The following INTS6 variants were observed in gnomAD, a reference collection of about 807,000 sequenced individuals.
INTS6 encodes the protein DEAD box protein.
Under a neutral mutation model 104.9 loss-of-function variants are expected in INTS6, and 16 were observed. The observed-to-expected ratio is 0.15, with a 90% CI of 0.10 to 0.23. The LOEUF (loss-of-function observed/expected upper bound fraction) is 0.23, where lower values mean the gene tolerates loss of function less well. Among genes scored for constraint, INTS6 ranks in the 10% least tolerant of loss-of-function variants. The pLI, the probability that INTS6 is intolerant of heterozygous loss-of-function variation, is 1.00. For missense variants in INTS6, 584 were observed against 1,062.8 expected, an observed-to-expected ratio of 0.55 and a Z score of 6.26; for synonymous variants, 324 against 358.7, an observed-to-expected ratio of 0.90 and a Z score of 1.09.
At chr13:51,346,963 C>A in the INTS6 span, 3 of 1,269,970 alleles carry the variant, frequency 2.4e-6, no homozygotes, top group Admixed American at 2.0e-5. Flanking sequence ...CGCACACACA[C>A]TGGGTTCGGT....
intron 3 of INTS6, 128 bp from the exon 4 acceptor site, chr13:51,430,511 G>T: frequency 1.7e-6 from 1 of 573,596 alleles, no homozygotes; most frequent in Non-Finnish European, 3.0e-6. Flanking sequence ...GTATGTACCT[G>T]TTTGTACATT....
intron 5 of INTS6, among the ~76,000 whole-genome samples, 183 bp downstream of exon 5, chr13:51,395,117 C>A (rs1321947851): frequency 6.6e-6 from 1 of 152,224 alleles, no homozygotes; most frequent in African/African-American, 2.4e-5. Context: ...TAGTAACCCA[C>A]ATTCTATTCA....
intron 12 of INTS6, among the ~76,000 whole-genome samples, chr13:51,377,618 G>T (rs1367780027): frequency 1.3e-5 from 2 of 152,038 alleles, no homozygotes; most frequent in Non-Finnish European, 2.9e-5. Context: ...GTTAAGAATT[G>T]ACTGTGTGTG....
downstream of INTS6, among the ~76,000 whole-genome samples, chr13:51,350,215 A>G (rs1311737127): frequency 6.6e-6 from 1 of 152,178 alleles, no homozygotes; most frequent in Non-Finnish European, 1.5e-5. Flanking sequence ...GACATCACCA[A>G]GCAGTGCACT....
intron 3 of INTS6, among the ~76,000 whole-genome samples, chr13:51,433,383 G>A (rs1016496672): frequency 2.4e-4 from 36 of 152,378 alleles, no homozygotes; most frequent in African/African-American, 7.2e-4. Flanking sequence ...AGAAGGTGGA[G>A]GTTGCAGTGA....
Position 51,383,425 on chromosome 13 carries a change from C to T in INTS6, c.1084G>A (p.Gly362Ser). 1 of 1,613,894 alleles carries T rather than the reference C, an allele frequency of 6.2e-7. No homozygotes were observed. The highest frequency in any genetic ancestry group is 8.5e-7 in the Non-Finnish European group (1 of 1,179,924). Residue 362 changes from glycine to serine, a missense_variant, in exon 9 of 18, where the codon GGT becomes AGT. Gly to Ser is a moderately conservative substitution (Grantham distance 56). Transcript: ENST00000311234. The part of the protein sequence containing the change: ...VSNSAKYSEL[G>S]HPFGYLKAST... Reference sequence around the variant, plus strand: ...GCTTTCAAGTAACCAAAAGGATGACCAAGTTCACTGTATTTTGCACTATTG... The same window carrying T: ...GCTTTCAAGTAACCAAAAGGATGACTAAGTTCACTGTATTTTGCACTATTG...
chr13:51,414,192 T>C (rs1956741711), intron 4 of INTS6, among the ~76,000 whole-genome samples: 1 of 152,118 alleles, frequency 6.6e-6, no homozygotes, highest in Non-Finnish European at 1.5e-5. Context: ...AAAGCAAAGA[T>C]AGAGGAACAA....
chr13:51,367,198 G>T (rs1478449791), intron 17 of INTS6, among the ~76,000 whole-genome samples: 1 of 151,498 alleles, frequency 6.6e-6, no homozygotes, highest in African/African-American at 2.4e-5. Flanking sequence ...AATACGATAT[G>T]AATTAGACTG....
chr13:51,382,909 T>G (rs1956078895), intron 9 of INTS6, among the ~76,000 whole-genome samples: 1 of 151,832 alleles, frequency 6.6e-6, no homozygotes, highest in African/African-American at 2.4e-5. Flanking sequence ...AAACCCTGTC[T>G]CTACTAAAAA....
At chr13:51,374,944 T>C (rs1284869611) in intron 13 of INTS6, 148 bp from the exon 14 acceptor site, 8 of 738,050 alleles carry the variant, frequency 1.1e-5, no homozygotes, top group Non-Finnish European at 1.4e-5. Flanking sequence ...TTATAACCAC[T>C]GCGACAAAAT....
At chr13:51,389,701 T>C (rs886275275) in intron 5 of INTS6, among the ~76,000 whole-genome samples, 7 of 152,134 alleles carry the variant, frequency 4.6e-5, no homozygotes, top group African/African-American at 1.4e-4. Flanking sequence ...ATTTGGAACA[T>C]AGAATTCTTG....
At chr13:51,391,438 TATTA>T (rs1956244855) in intron 5 of INTS6, among the ~76,000 whole-genome samples, 1 of 152,176 alleles carries the variant, frequency 6.6e-6, no homozygotes, top group South Asian at 2.1e-4. Context: ...AATAAAAATC[TATTA>T]ATTATTTTAA....
At chr13:51,380,981 C>A (rs1956037241) in intron 10 of INTS6, among the ~76,000 whole-genome samples, 1 of 152,198 alleles carries the variant, frequency 6.6e-6, no homozygotes, top group South Asian at 2.1e-4. Flanking sequence ...TCTGTGAATT[C>A]AATCAACCAC....
At chr13:51,368,030 CATT>C in intron 16 of INTS6, 132 bp from the exon 17 acceptor site, 1 of 511,054 alleles carries the variant, frequency 2.0e-6, no homozygotes, top group South Asian at 3.1e-5. Context: ...TTTCACCACT[CATT>C]AGAGATTTTA....
chr13:51,430,454 A>T, intron 3 of INTS6, 71 bp from the exon 4 acceptor site: 2 of 1,106,158 alleles, frequency 1.8e-6, no homozygotes, highest in Non-Finnish European at 2.7e-6. Flanking sequence ...GTCAATTCTC[A>T]GAACAGCATA....
chr13:51,357,938 T>C (rs991920892), downstream of INTS6, among the ~76,000 whole-genome samples: 3 of 152,154 alleles, frequency 2.0e-5, no homozygotes, highest in Admixed American at 6.6e-5. Flanking sequence ...TCTCTGTTAC[T>C]ATGACTTAAA....
downstream of INTS6, among the ~76,000 whole-genome samples, chr13:51,351,517 C>G (rs1247700008): frequency 6.6e-6 from 1 of 151,948 alleles, no homozygotes; most frequent in Non-Finnish European, 1.5e-5. Flanking sequence ...TGTAATAGTT[C>G]TTTATTCTGG....
chr13:51,348,151 G>A, the INTS6 span: 35,093 of 1,324,568 alleles, frequency 0.026, 579 homozygotes, highest in South Asian at 0.05. Context: ...CTCAGGGTCC[G>A]ACACTGGTTC....
At chr13:51,431,023 G>C (rs185052408) in intron 3 of INTS6, among the ~76,000 whole-genome samples, 1 of 152,282 alleles carries the variant, frequency 6.6e-6, no homozygotes, top group African/African-American at 2.4e-5. Flanking sequence ...AAAAGCAATG[G>C]AACAGAGTAG....
Sources: allele counts gnomAD v4.1 joint callset (sites outside exome capture counted in the v4.1 genomes callset), GRCh38; gene constraint gnomAD v4.1.1; transcripts MANE v1.5; gene names NCBI Gene and HGNC (gene_info 2026-07-23, HGNC 2026-07-21).